BRSK2: variants seen among roughly 807,000 people sequenced by gnomAD.
The protein encoded by BRSK2 is serine/threonine-protein kinase BRSK2.
In BRSK2, 19 loss-of-function variants were observed where a neutral mutation model predicts 83.3. The observed-to-expected ratio is 0.23, with a 90% confidence interval of 0.16 to 0.33. The LOEUF is 0.33. Among genes scored for constraint, BRSK2 ranks in the 10% least tolerant of loss-of-function variants. BRSK2 has a pLI of 1.00. For missense variants in BRSK2, 798 were observed against 1,042.3 expected, an observed-to-expected ratio of 0.77 and a Z score of 3.23; for synonymous variants, 519 against 435.4, an observed-to-expected ratio of 1.19 and a Z score of -2.39.
intron 14 of BRSK2, 122 bp from the exon 15 acceptor site, chr11:1,451,249 G>A: frequency 8.4e-7 from 1 of 1,185,310 alleles, no homozygotes; most frequent in Non-Finnish European, 1.2e-6. Context: ...TGCCCCTGGG[G>A]GGGCTGTCCC....
At position 1,445,807 on chromosome 11, in the gene BRSK2, C is replaced by T. The variant is rs768222423; in HGVS notation, c.1126C>T (p.Arg376Trp). The change falls in exon 12 of 20, where the codon CGG (arginine) becomes TGG (tryptophan). Residue 376 changes from arginine (R) to tryptophan (W), a missense_variant. Coordinates refer to ENST00000528841, the MANE Select transcript of BRSK2 (RefSeq NM_001256627.2). ...CCCGATGCTGAACCGGCACGGCAAG[C>T]GGCGGCCAGAACGCAAATCCATGGA... ...DSPMLNRHGK[R>W]RPERKSMEVL... 12 of 1,612,304 alleles carry T rather than the reference C, an allele frequency of 7.4e-6. No individual in the cohort carries two copies. Among genetic ancestry groups the T allele is most frequent in the African/African-American group, 4.0e-5 (3 of 74,926 alleles).
chr11:1,390,296 G>A lies in BRSK2; in HGVS notation c.12G>A (p.Thr4=), dbSNP rs1241640365. 9.7e-7 allele frequency: 1 copy of A among 1,034,232 alleles called. No homozygotes were observed. Among genetic ancestry groups the A allele is most frequent in the Non-Finnish European group, 1.2e-6 (1 of 852,546 alleles). 64.1% of individuals were successfully genotyped at this position (1,034,232 alleles called of 1,614,324 possible). The change falls in exon 1 of 20, where the codon ACG becomes ACA. Residue 4 remains threonine (T), a synonymous_variant. Transcript: ENST00000528841. This position sits in a 1 kb window ranked among gnomAD's most constrained non-coding sequence, Gnocchi z 6.8. ...CGGGCCCCAGAGCGATGACATCGAC[G>A]GGGAAGGACGGCGGCGCGCAGCACG... MTS[T]GKDGGAQHAQ...
At chr11:1,421,186 T>G (rs1848601744) in intron 1 of BRSK2, among the ~76,000 whole-genome samples, 1 of 152,168 alleles carries the variant, frequency 6.6e-6, no homozygotes, top group African/African-American at 2.4e-5. Context: ...AGGGACAGTG[T>G]GGGGGCTCTC....
chr11:1,412,589 G>C (rs1415677180), intron 1 of BRSK2, among the ~76,000 whole-genome samples: 1 of 152,212 alleles, frequency 6.6e-6, no homozygotes, highest in South Asian at 2.1e-4. Context: ...GGGAGCAGGC[G>C]CCCTCAGAAA....
At chr11:1,453,478 G>C (rs1846055646) in intron 15 of BRSK2, among the ~76,000 whole-genome samples, 1 of 152,156 alleles carries the variant, frequency 6.6e-6, no homozygotes, top group Non-Finnish European at 1.5e-5. Flanking sequence ...CCTGGCATGG[G>C]GCTGGGGTAA....
chr11:1,402,897 C>T (rs1846586632), intron 1 of BRSK2, among the ~76,000 whole-genome samples: 1 of 152,122 alleles, frequency 6.6e-6, no homozygotes, highest in Admixed American at 6.5e-5. Context: ...CTCGGATCTG[C>T]TTGGAGGTTT....
chr11:1,457,080 A>AG (rs1185547647), intron 18 of BRSK2: 4 of 1,528,990 alleles, frequency 2.6e-6, no homozygotes, highest in Admixed American at 2.0e-5. Flanking sequence ...TGGGGCGGGG[A>AG]GGGGCTGCGG....
intron 1 of BRSK2, among the ~76,000 whole-genome samples, chr11:1,415,188 G>T (rs1847970876): frequency 6.7e-6 from 1 of 149,290 alleles, no homozygotes; most frequent in African/African-American, 2.5e-5. Flanking sequence ...TCCGCCTCCA[G>T]GGTTGACACC....
rs1367804304 is a variant in BRSK2, at chr11:1,460,760, C to T, written c.*37C>T. The T allele has an allele frequency of 5.3e-6, 7 of 1,322,086 alleles. No homozygotes were observed. The highest frequency in any genetic ancestry group is 1.6e-5 in the African/African-American group (1 of 62,732). 81.9% of individuals were successfully genotyped at this position (1,322,086 alleles called of 1,614,324 possible). A position where few individuals can be genotyped will look rare whatever the true frequency, so the allele number is the denominator to read the frequency against. On this transcript the variant is annotated 3_prime_UTR_variant, in exon 20 of 20. Coordinates refer to ENST00000528841, the MANE Select transcript of BRSK2 (RefSeq NM_001256627.2). ...CCCCCCCCCAGCACAGCACTGACAG[C>T]GGCTGCCTCGCCGCCCGCCGCCCGC...
intron 18 of BRSK2, chr11:1,457,015 C>A (rs758974184): frequency 6.3e-7 from 1 of 1,595,420 alleles, no homozygotes; most frequent in Non-Finnish European, 8.5e-7. Context: ...CAGAAGGTGG[C>A]CACCAGCTAC....
Position 1,461,065 on chromosome 11 carries a change from T to A in BRSK2, c.*342T>A, listed in dbSNP as rs1847444041. The A allele has an allele frequency of 5.0e-6, 8 of 1,595,222 alleles. No individual in the cohort carries two copies. In the South Asian group the frequency reaches 7.8e-5, roughly 16 times the overall value. On this transcript the variant is annotated 3_prime_UTR_variant, in exon 20 of 20. Coordinates refer to ENST00000528841, the MANE Select transcript of BRSK2 (RefSeq NM_001256627.2). ...ACCCGCCCTCCCTCCGCTCCTGCTGTTGCTGCCGGGCAGTGAGGCCCAGCC... is the reference window on the plus strand; with the variant it reads ...ACCCGCCCTCCCTCCGCTCCTGCTGATGCTGCCGGGCAGTGAGGCCCAGCC...
At chr11:1,443,748 G>C in intron 8 of BRSK2, 113 bp downstream of exon 8, 1 of 1,330,586 alleles carries the variant, frequency 7.5e-7, no homozygotes, top group Non-Finnish European at 9.9e-7. Context: ...CCAGGTGTGT[G>C]GGTCGGTGCC....
chr11:1,394,225 CTGGAGATGGGCCA>C (rs1282689554), intron 1 of BRSK2, among the ~76,000 whole-genome samples: 9 of 109,960 alleles, frequency 8.2e-5, no homozygotes, highest in Non-Finnish European at 1.4e-4. Flanking sequence ...AGATGGGCCC[CTGGAGATGGGCCA>C]TGGAGATGGG....
chr11:1,429,550 C>T lies in BRSK2; in HGVS notation c.92-6490C>T, dbSNP rs1439044267. ...TGTGCCCAGCAGTGAGCGTCTTCTGCGGTCTGGTCAGGTTTTGCCACTGTG... is the reference window on the plus strand; with the variant it reads ...TGTGCCCAGCAGTGAGCGTCTTCTGTGGTCTGGTCAGGTTTTGCCACTGTG... On this transcript the variant is annotated intron_variant, in intron 1 of 19. Transcript: ENST00000528841. Among the ~76,000 whole-genome samples, 12 of 113,520 alleles carry T rather than the reference C, an allele frequency of 1.1e-4. 2 individuals are homozygous for T. Among genetic ancestry groups the T allele is most frequent in the African/African-American group, 2.4e-4 (7 of 28,644 alleles). The allele number at this position is 113,520 out of a possible 152,430, so 74.5% of individuals were successfully genotyped here.
At chr11:1,450,864 C>G (rs1845735939) in intron 14 of BRSK2, 70 bp downstream of exon 14, 1 of 1,414,788 alleles carries the variant, frequency 7.1e-7, no homozygotes, top group African/African-American at 1.5e-5. Flanking sequence ...GAGGGCCCCG[C>G]CCGGCAGTGC....
chr11:1,444,849 C>T, intron 8 of BRSK2, 122 bp from the exon 9 acceptor site: 1 of 879,078 alleles, frequency 1.1e-6, no homozygotes, highest in Admixed American at 1.8e-5. Context: ...CCCCCACTCA[C>T]TTGCCCTCAC....
In BRSK2 at chr11:1,406,243, G is replaced by GGAT. The variant is rs1348283711; in HGVS notation, c.91+15868_91+15869insGAT. Among the ~76,000 whole-genome samples the GGAT allele has an allele frequency of 9.0e-3, 1,366 of 152,268 alleles. 18 individuals are homozygous for GGAT. The highest frequency in any genetic ancestry group is 0.031 in the African/African-American group (1,271 of 41,542). On this transcript the variant is annotated intron_variant, in intron 1 of 19. Transcript: ENST00000528841. ...CCCAGCACTTTGGGAGGCCAAGGCT[G>GGAT]CCAAGGTCAGGAGATGGAGACCATC...
rs1846552850 is a variant in BRSK2, at chr11:1,456,479, G to A, written c.1800G>A (p.Glu600=). 1 of 1,575,632 alleles carries A rather than the reference G, an allele frequency of 6.3e-7. No homozygotes were observed. The highest frequency in any genetic ancestry group is 8.6e-7 in the Non-Finnish European group (1 of 1,159,362). The change falls in exon 17 of 20, where the codon GAG becomes GAA. Residue 600 remains glutamate (E), a synonymous_variant. Transcript: ENST00000528841. ...ATATCACCTACACGGAGGGTGGGGA[G>A]GCGCAGAAGGAGAACGGCATCTACT... ...QVDITYTEGG[E]AQKENGIYSV...
chr11:1,451,539 C>T (rs1168524499), intron 15 of BRSK2, 120 bp downstream of exon 15: 2 of 1,051,120 alleles, frequency 1.9e-6, no homozygotes, highest in African/African-American at 3.1e-5. Context: ...CCACCTCCCA[C>T]TGCAGGCAGG....
Sources: allele counts gnomAD v4.1 joint callset (sites outside exome capture counted in the v4.1 genomes callset), GRCh38; gene constraint gnomAD v4.1.1; non-coding constraint Gnocchi (gnomAD v3.1); transcripts MANE v1.5; gene names NCBI Gene and HGNC (gene_info 2026-07-23, HGNC 2026-07-21).